Variants in CSMD3 observed in about 807,000 individuals in gnomAD.
CSMD3 encodes CUB and sushi domain-containing protein 3.
A neutral mutation model predicts 435.2 loss-of-function variants in CSMD3; 177 were observed. The ratio of observed to expected loss-of-function variants is 0.41; its 90% CI spans 0.36 to 0.46. The LOEUF is 0.46. Ranked by LOEUF, CSMD3 falls within the 20% of genes least tolerant of loss-of-function variation. The pLI is 0.34. For synonymous variants in CSMD3, 1,656 were observed against 1,520.5 expected, an observed-to-expected ratio of 1.09 and a Z score of -2.07; for missense variants, 4,265 against 4,504.6, an observed-to-expected ratio of 0.95 and a Z score of 1.52.
intron 17 of CSMD3, among the ~76,000 whole-genome samples, chr8:112,659,187 C>G (rs1207432028): frequency 1.3e-5 from 2 of 152,082 alleles, no homozygotes; most frequent in African/African-American, 4.8e-5. Flanking sequence ...ACCAGTGAAT[C>G]TTTAAAAAGA....
At chr8:112,299,468 CA>C (rs1034118307) in intron 53 of CSMD3, among the ~76,000 whole-genome samples, 14 of 151,550 alleles carry the variant, frequency 9.2e-5, no homozygotes, top group African/African-American at 3.2e-4. Flanking sequence ...CAAAATGCAT[CA>C]AAAAAATAAA....
intron 11 of CSMD3, among the ~76,000 whole-genome samples, chr8:112,832,189 G>A (rs2079895567): frequency 6.6e-6 from 1 of 152,110 alleles, no homozygotes; most frequent in African/African-American, 2.4e-5. Flanking sequence ...TACAGAAACT[G>A]CAAAGTAGGA....
At chr8:112,583,270 T>C (rs1830468508) in intron 23 of CSMD3, among the ~76,000 whole-genome samples, 1 of 151,690 alleles carries the variant, frequency 6.6e-6, no homozygotes, top group African/African-American at 2.4e-5. Flanking sequence ...TAGAGAAAAA[T>C]GAGGAGAGAG....
intron 27 of CSMD3, among the ~76,000 whole-genome samples, chr8:112,546,742 G>A (rs780382612): frequency 4.6e-5 from 7 of 152,180 alleles, no homozygotes; most frequent in Non-Finnish European, 1.0e-4. Context: ...ATAGGACAGC[G>A]TGAAGTGGCA....
At chr8:113,302,286 T>TTATATATATTATATATATA (rs1172381708) in intron 2 of CSMD3, among the ~76,000 whole-genome samples, 16 of 7,942 alleles carry the variant, frequency 2.0e-3, no homozygotes, top group Non-Finnish European at 2.4e-3. Flanking sequence ...AATTATAATA[T>TTATATATATTATATATATA]ATAATATAAT....
chr8:112,813,371 C>T (rs761309138), intron 12 of CSMD3, among the ~76,000 whole-genome samples: 5 of 152,040 alleles, frequency 3.3e-5, no homozygotes, highest in Non-Finnish European at 5.9e-5. Flanking sequence ...TTGAGGAAAA[C>T]CGGAATTGCA....
chr8:112,881,129 C>T (rs1046194846), intron 10 of CSMD3, among the ~76,000 whole-genome samples: 1 of 151,892 alleles, frequency 6.6e-6, no homozygotes, highest in Non-Finnish European at 1.5e-5. Context: ...CAGTTGTGAA[C>T]CAGGCCCTCC....
chr8:112,257,291 G>A (rs1815902896), intron 61 of CSMD3, among the ~76,000 whole-genome samples: 2 of 152,066 alleles, frequency 1.3e-5, no homozygotes, highest in African/African-American at 2.4e-5. Flanking sequence ...GAGTGATCAG[G>A]CAAGATAAAT....
intron 27 of CSMD3, among the ~76,000 whole-genome samples, chr8:112,530,651 C>T (rs1825436290): frequency 6.6e-6 from 1 of 152,124 alleles, no homozygotes; most frequent in Non-Finnish European, 1.5e-5. Flanking sequence ...GAAAGTTCTT[C>T]AATTTGAAAT....
chr8:112,411,038 C>A (rs1337368602), intron 32 of CSMD3, among the ~76,000 whole-genome samples: 1 of 150,464 alleles, frequency 6.6e-6, no homozygotes, highest in Non-Finnish European at 1.5e-5. Context: ...TCCTTGCAAA[C>A]CACTATATTT....
chr8:113,038,998 C>G (rs935097021), intron 5 of CSMD3, among the ~76,000 whole-genome samples: 5 of 151,772 alleles, frequency 3.3e-5, no homozygotes, highest in African/African-American at 1.2e-4. Context: ...AATTTTTGTC[C>G]CTTGAGGGTT....
At chr8:112,276,603 T>C (rs971409290) in intron 59 of CSMD3, among the ~76,000 whole-genome samples, 1 of 151,622 alleles carries the variant, frequency 6.6e-6, no homozygotes, top group African/African-American at 2.4e-5. Flanking sequence ...CTGTGTGCAG[T>C]CTAGGAATTT....
chr8:112,739,866 GTAC>G (rs566252370), intron 13 of CSMD3, among the ~76,000 whole-genome samples: 71 of 151,746 alleles, frequency 4.7e-4, no homozygotes, highest in Admixed American at 2.8e-3. Flanking sequence ...TTTGTATTAT[GTAC>G]TACATTTATA....
intron 22 of CSMD3, among the ~76,000 whole-genome samples, chr8:112,601,029 A>G (rs1352854510): frequency 2.0e-5 from 3 of 152,136 alleles, no homozygotes; most frequent in African/African-American, 4.8e-5. Flanking sequence ...TGCTAATTCA[A>G]TAACAAGGAG....
intron 3 of CSMD3, among the ~76,000 whole-genome samples, chr8:113,180,533 T>A (rs1004486146): frequency 4.6e-5 from 7 of 152,036 alleles, no homozygotes; most frequent in African/African-American, 1.7e-4. Flanking sequence ...AGAGGGACTC[T>A]AATTCATCTT....
chr8:112,449,450 A>G (rs1484143389), intron 32 of CSMD3, among the ~76,000 whole-genome samples: 1 of 152,068 alleles, frequency 6.6e-6, no homozygotes, highest in East Asian at 1.9e-4. Context: ...GAGCATTGAC[A>G]GGAGCCTGAT....
chr8:113,425,974 T>C (rs547398197), intron 1 of CSMD3, among the ~76,000 whole-genome samples: 2 of 151,628 alleles, frequency 1.3e-5, no homozygotes, highest in African/African-American at 4.8e-5. Context: ...ACTCCAGATT[T>C]CTCCATATAT....
At chr8:113,408,153 G>C (rs1320551627) in intron 1 of CSMD3, among the ~76,000 whole-genome samples, 1 of 151,900 alleles carries the variant, frequency 6.6e-6, no homozygotes, top group African/African-American at 2.4e-5. Context: ...AAATTTCACT[G>C]TGTACCAGAA....
chr8:112,223,335 C>T lies in CSMD3; in HGVS notation c.*1436G>A, dbSNP rs1812314055. On this transcript the variant is annotated 3_prime_UTR_variant, in exon 71 of 71. Transcript: ENST00000297405. ...CAGGTGCAAGGGTTTCTCTTAGGCACTCTGTCTCATGATACAAAAAGTCAA... is the reference window on the plus strand; with the variant it reads ...CAGGTGCAAGGGTTTCTCTTAGGCATTCTGTCTCATGATACAAAAAGTCAA... 1 of 336,102 alleles carries T rather than the reference C, an allele frequency of 3.0e-6. No homozygotes were observed. Among genetic ancestry groups the T allele is most frequent in the African/African-American group, 2.1e-5 (1 of 47,606 alleles). 20.8% of individuals were successfully genotyped at this position (336,102 alleles called of 1,614,324 possible).
Sources: allele counts gnomAD v4.1 joint callset (sites outside exome capture counted in the v4.1 genomes callset), GRCh38; gene constraint gnomAD v4.1.1; transcripts MANE v1.5; gene names NCBI Gene and HGNC (gene_info 2026-07-23, HGNC 2026-07-21).